CDK2AP1: variants seen among roughly 807,000 people sequenced by gnomAD.
CDK2AP1 encodes cyclin dependent kinase 2 associated protein 1, also known as cyclin-dependent kinase 2-associated protein 1.
CDK2AP1 carries 10 observed loss-of-function variants against 14.1 expected under a neutral mutation model. The ratio of observed to expected loss-of-function variants is 0.71; its 90% CI spans 0.44 to 1.20. The LOEUF is 1.20. CDK2AP1 is among the 50% of genes most tolerant of loss of function. The pLI, the probability that CDK2AP1 is intolerant of heterozygous loss-of-function variation, is 0.00. For missense variants in CDK2AP1, 102 were observed against 149.9 expected (o/e 0.68, Z 1.67); for synonymous variants, 59 against 59.8 (o/e 0.99, Z 0.06).
intron 2 of CDK2AP1, among the ~76,000 whole-genome samples, chr12:123,266,139 G>A (rs141602909): frequency 2.4e-4 from 37 of 152,302 alleles, no homozygotes; most frequent in Middle Eastern, 3.4e-3. Flanking sequence ...CTCCCTGGGC[G>A]AGGTCCTTGC....
intron 1 of CDK2AP1, among the ~76,000 whole-genome samples, chr12:123,270,735 G>C (rs866125291): frequency 6.6e-6 from 1 of 152,022 alleles, no homozygotes; most frequent in African/African-American, 2.4e-5. Flanking sequence ...GAAGCTTGAG[G>C]GGAGCCCCTC....
chr12:123,267,682 C>A (rs1407102682), intron 1 of CDK2AP1: 1 of 183,322 alleles, frequency 5.5e-6, no homozygotes, highest in Non-Finnish European at 1.2e-5. Flanking sequence ...CTGGTCGAAA[C>A]CAGGCTGAGC....
rs933943870 is a variant in CDK2AP1 at position 123,267,499 on chromosome 12, G to A, written c.56-217C>T. 4 of 496,910 alleles carry A rather than the reference G, an allele frequency of 8.0e-6. No individual in the cohort carries two copies. The Admixed American group carries it at 1.3e-4, about 16-fold the overall frequency. The allele number at this position is 496,910 out of a possible 1,614,324, so 30.8% of individuals were successfully genotyped here. On this transcript the variant is annotated intron_variant, in intron 1 of 3. Transcript: ENST00000261692. ...CATCCCCAGCTCTGCAGCAGCCGCT[G>A]GTCCTCACAGAGCTCCATCCCATCC...
At chr12:123,267,102 C>A in intron 2 of CDK2AP1, 83 bp downstream of exon 2, 1 of 881,444 alleles carries the variant, frequency 1.1e-6, no homozygotes, top group Middle Eastern at 2.7e-4. Context: ...TCCTTCGTCT[C>A]TTCCACCAAC....
chr12:123,266,138 C>G (rs1292166320), intron 2 of CDK2AP1, among the ~76,000 whole-genome samples: 1 of 152,178 alleles, frequency 6.6e-6, no homozygotes, highest in Non-Finnish European at 1.5e-5. Context: ...GCTCCCTGGG[C>G]GAGGTCCTTG....
intron 2 of CDK2AP1, among the ~76,000 whole-genome samples, chr12:123,266,772 G>A (rs779050524): frequency 6.6e-6 from 1 of 152,230 alleles, no homozygotes; most frequent in Non-Finnish European, 1.5e-5. Context: ...CTCAAGACAG[G>A]GCCACCTCCT....
intron 2 of CDK2AP1, 79 bp downstream of exon 2, chr12:123,267,106 C>T (rs1190290967): frequency 4.4e-6 from 4 of 904,380 alleles, no homozygotes; most frequent in Non-Finnish European, 7.5e-6. Context: ...TCGTCTCTTC[C>T]ACCAACTTCT....
At position 123,267,242 on chromosome 12, in the gene CDK2AP1, A is replaced by G; in HGVS notation, c.96T>C (p.Ser32=). The part of the protein sequence containing the change: ...VHSPSTSMAT[S]SQYRQLLSDY... Reference sequence around the variant, plus strand: ...CACTGAGCAGCTGGCGGTACTGTGAAGACGTTGCCATGCTGGTGGAAGGCG... The same window carrying G: ...CACTGAGCAGCTGGCGGTACTGTGAGGACGTTGCCATGCTGGTGGAAGGCG... The change falls in exon 2 of 4, where the codon TCT becomes TCC. Residue 32 remains serine, a synonymous_variant. Coordinates refer to ENST00000261692, the MANE Select transcript of CDK2AP1 (RefSeq NM_004642.4). 6.2e-7 allele frequency: 1 copy of G among 1,613,504 alleles called. No individual in the cohort carries two copies. The highest frequency in any genetic ancestry group is 1.1e-5 in the South Asian group (1 of 91,062).
At chr12:123,264,380 A>C (rs1363068693) in intron 3 of CDK2AP1, among the ~76,000 whole-genome samples, 1 of 148,656 alleles carries the variant, frequency 6.7e-6, no homozygotes, top group Non-Finnish European at 1.5e-5. Flanking sequence ...GAATCGCTTG[A>C]ACCCAGGAGG....
rs969959912 is a variant in CDK2AP1 at position 123,265,646 on chromosome 12, G to A, written c.154-324C>T. 4.6e-5 allele frequency among the ~76,000 whole-genome samples: 7 copies of A among 152,116 alleles called. No individual in the cohort carries two copies. The highest frequency in any genetic ancestry group is 6.5e-5 in the Admixed American group (1 of 15,270). On this transcript the variant is annotated intron_variant, in intron 2 of 3. Transcript: ENST00000261692. The surrounding 1 kb of genome is among the most constrained non-coding windows in gnomAD (Gnocchi z 5.3). Reference sequence around the variant, plus strand: ...AGCCACCTCAGCTGGGCCAAGGCACGTCCCATTCTAGGGGACAACTACAAG... The same window carrying A: ...AGCCACCTCAGCTGGGCCAAGGCACATCCCATTCTAGGGGACAACTACAAG...
In CDK2AP1 at chr12:123,267,287, G is replaced by C; in HGVS notation, c.56-5C>G. On this transcript the variant is annotated splice_region_variant and splice_polypyrimidine_tract_variant and intron_variant, in intron 1 of 3. Coordinates refer to ENST00000261692, the MANE Select transcript of CDK2AP1 (RefSeq NM_004642.4). ...AAGGCGAGTGGACACTCCCAGCTGTGGGGTGGGGAGAGAGAGGCCAGGAGT... is the reference window on the plus strand; with the variant it reads ...AAGGCGAGTGGACACTCCCAGCTGTCGGGTGGGGAGAGAGAGGCCAGGAGT... 6.3e-7 allele frequency: 1 copy of C among 1,592,946 alleles called. No individual in the cohort carries two copies. The highest frequency in any genetic ancestry group is 8.6e-7 in the Non-Finnish European group (1 of 1,161,126).
intron 1 of CDK2AP1, chr12:123,271,069 T>TC: frequency 1.4e-6 from 1 of 711,176 alleles, no homozygotes. Flanking sequence ...CCCGCAGCCC[T>TC]CCATCCGCGC....
intron 3 of CDK2AP1, among the ~76,000 whole-genome samples, chr12:123,263,022 T>C (rs1419561050): frequency 6.6e-6 from 1 of 151,854 alleles, no homozygotes; most frequent in African/African-American, 2.4e-5. Flanking sequence ...GAGACCAGCC[T>C]GGCCAACATG....
Position 123,267,188 on chromosome 12 carries a change from G to T in CDK2AP1, c.150C>A (p.Thr50=), listed in dbSNP as rs2048306162. The change falls in exon 2 of 4, where the codon ACC becomes ACA. Residue 50 remains threonine (T), a synonymous_variant. Coordinates refer to ENST00000261692, the MANE Select transcript of CDK2AP1 (RefSeq NM_004642.4). ...SDYGPPSLGY[T]QGTGNSQVPQ... ...GCCATCACCCCCATTGACATACCTGGGTGTAGCCTAGGGACGGTGGCCCGT... is the reference window on the plus strand; with the variant it reads ...GCCATCACCCCCATTGACATACCTGTGTGTAGCCTAGGGACGGTGGCCCGT... The T allele has an allele frequency of 1.9e-6, 3 of 1,583,500 alleles. No homozygotes were observed. Among genetic ancestry groups the T allele is most frequent in the Non-Finnish European group, 2.6e-6 (3 of 1,152,232 alleles).
Position 123,261,651 on chromosome 12 carries a change from A to T in CDK2AP1, c.*85T>A, listed in dbSNP as rs1177282920. The T allele has an allele frequency of 2.0e-5, 23 of 1,135,354 alleles. No individual in the cohort carries two copies. The highest frequency in any genetic ancestry group is 2.8e-5 in the Non-Finnish European group (21 of 751,010). The allele number at this position is 1,135,354 out of a possible 1,614,324, so 70.3% of individuals were successfully genotyped here. A position where few individuals can be genotyped will look rare whatever the true frequency, so the allele number is the denominator to read the frequency against. On this transcript the variant is annotated 3_prime_UTR_variant, in exon 4 of 4. Coordinates refer to ENST00000261692, the MANE Select transcript of CDK2AP1 (RefSeq NM_004642.4). Reference sequence around the variant, plus strand: ...AAACGAAACTGTAACCATTTTGAAAACAAGGGTTTCATCTGAACAGGGGAG... The same window carrying T: ...AAACGAAACTGTAACCATTTTGAAATCAAGGGTTTCATCTGAACAGGGGAG...
Position 123,267,244 on chromosome 12 carries a change from A to T in CDK2AP1, c.94T>A (p.Ser32Thr), listed in dbSNP as rs565805705. 212 of 1,613,372 alleles carry T rather than the reference A, an allele frequency of 1.3e-4. 3 individuals carry two copies. In the South Asian group the frequency reaches 2.0e-3, roughly 16 times the overall value. The change falls in exon 2 of 4, where the codon TCT becomes ACT. Residue 32 changes from serine (S) to threonine (T), a missense_variant. Physicochemically the swap from Ser to Thr is moderately conservative, Grantham distance 58. Coordinates refer to ENST00000261692, the MANE Select transcript of CDK2AP1 (RefSeq NM_004642.4). ...CTGAGCAGCTGGCGGTACTGTGAAG[A>T]CGTTGCCATGCTGGTGGAAGGCGAG... ...VHSPSTSMAT[S>T]SQYRQLLSDY...
At chr12:123,264,923 AC>A in intron 3 of CDK2AP1, among the ~76,000 whole-genome samples, 1 of 152,084 alleles carries the variant, frequency 6.6e-6, no homozygotes, top group South Asian at 2.1e-4. Context: ...AAGCCAGCAG[AC>A]CCCCTGGCAG....
intron 3 of CDK2AP1, among the ~76,000 whole-genome samples, chr12:123,264,347 C>A: frequency 6.6e-6 from 1 of 150,814 alleles, no homozygotes; most frequent in Non-Finnish European, 1.5e-5. Flanking sequence ...GTAATCCCAG[C>A]TACTTGGGAG....
chr12:123,270,674 C>A (rs2048345923), intron 1 of CDK2AP1, among the ~76,000 whole-genome samples: 1 of 152,172 alleles, frequency 6.6e-6, no homozygotes, highest in African/African-American at 2.4e-5. Flanking sequence ...AGCTGCCTGA[C>A]AACTTCTGGA....
Sources: gnomAD v4.1 joint callset for allele counts (sites outside exome capture counted in the v4.1 genomes callset) on GRCh38, gnomAD v4.1.1 for gene constraint, Gnocchi (gnomAD v3.1) non-coding constraint, MANE v1.5 for transcripts, NCBI Gene and HGNC (gene_info 2026-07-23, HGNC 2026-07-21) for gene names.